The following TMTC1 variants were observed in gnomAD, a reference collection of about 807,000 sequenced individuals.
TMTC1 encodes the protein protein O-mannosyl-transferase TMTC1.
A neutral mutation model predicts 104.8 loss-of-function variants in TMTC1; 73 were observed. The ratio of observed to expected loss-of-function variants is 0.70; its 90% CI spans 0.58 to 0.85. The LOEUF is 0.85. Ranked by LOEUF, TMTC1 falls within the 40% of genes least tolerant of loss-of-function variation. The pLI, the probability that TMTC1 is intolerant of heterozygous loss-of-function variation, is 0.00. For synonymous variants in TMTC1, 434 were observed against 428.7 expected (o/e 1.01, Z -0.15); for missense variants, 1,035 against 1,096.1 (o/e 0.94, Z 0.79).
At chr12:29,764,345 G>C (rs1343718819) in intron 2 of TMTC1, among the ~76,000 whole-genome samples, 1 of 152,064 alleles carries the variant, frequency 6.6e-6, no homozygotes, top group Non-Finnish European at 1.5e-5. Flanking sequence ...TATGTATAAG[G>C]CTATTGATAT....
intron 5 of TMTC1, among the ~76,000 whole-genome samples, chr12:29,745,394 G>A (rs1039703916): frequency 5.9e-5 from 9 of 152,112 alleles, no homozygotes; most frequent in African/African-American, 1.7e-4. Context: ...AGGCCAAGGC[G>A]GGCAGATCAC....
At chr12:29,522,280 G>T (rs769173440) in intron 11 of TMTC1, among the ~76,000 whole-genome samples, 3 of 152,114 alleles carry the variant, frequency 2.0e-5, no homozygotes, top group African/African-American at 7.2e-5. Flanking sequence ...GACCCAGAAA[G>T]GGACATATAC....
chr12:29,525,966 A>G (rs941828002), intron 11 of TMTC1, among the ~76,000 whole-genome samples: 1 of 152,210 alleles, frequency 6.6e-6, no homozygotes, highest in Non-Finnish European at 1.5e-5. Flanking sequence ...AGCTACTATT[A>G]CAGCCATCAG....
chr12:29,780,277 C>G (rs1005019337), intron 1 of TMTC1, among the ~76,000 whole-genome samples: 2 of 152,190 alleles, frequency 1.3e-5, no homozygotes, highest in African/African-American at 4.8e-5. Flanking sequence ...GTTATACAAA[C>G]TGTGGTATAT....
chr12:29,652,419 C>T (rs1472457321), intron 5 of TMTC1, among the ~76,000 whole-genome samples: 1 of 152,162 alleles, frequency 6.6e-6, no homozygotes, highest in African/African-American at 2.4e-5. Flanking sequence ...GCAGAGTTAC[C>T]GCCTCTATAC....
At chr12:29,519,281 G>T (rs912754581) in intron 12 of TMTC1, 4 of 152,080 alleles carry the variant, frequency 2.6e-5, no homozygotes, top group Non-Finnish European at 4.4e-5. Context: ...CTGTTTAGCT[G>T]TTTATCAGGA....
chr12:29,620,237 G>A (rs1947095572), intron 6 of TMTC1, among the ~76,000 whole-genome samples: 1 of 152,118 alleles, frequency 6.6e-6, no homozygotes, highest in South Asian at 2.1e-4. Context: ...CACAGTTGGT[G>A]CAGGGAAGAT....
chr12:29,723,122 A>G (rs1942285789), intron 5 of TMTC1, among the ~76,000 whole-genome samples: 1 of 152,062 alleles, frequency 6.6e-6, no homozygotes, highest in African/African-American at 2.4e-5. Flanking sequence ...TGAGCTTTAC[A>G]CAGAAAACTG....
intron 5 of TMTC1, among the ~76,000 whole-genome samples, chr12:29,689,759 T>C (rs1419723146): frequency 6.6e-6 from 1 of 152,218 alleles, no homozygotes; most frequent in Non-Finnish European, 1.5e-5. Context: ...GTAAATGTGC[T>C]CCCTTCTGTT....
chr12:29,735,540 T>C (rs1453070308), intron 5 of TMTC1, among the ~76,000 whole-genome samples: 1 of 152,228 alleles, frequency 6.6e-6, no homozygotes, highest in Non-Finnish European at 1.5e-5. Flanking sequence ...GAATTATTTA[T>C]TGGAATCCAG....
chr12:29,732,618 T>G (rs750202495), intron 5 of TMTC1, among the ~76,000 whole-genome samples: 8 of 152,214 alleles, frequency 5.3e-5, no homozygotes, highest in Non-Finnish European at 8.8e-5. Context: ...AGACTCTTTA[T>G]GTATTAAACT....
intron 7 of TMTC1, among the ~76,000 whole-genome samples, chr12:29,583,913 C>G (rs954591295): frequency 2.6e-5 from 4 of 152,192 alleles, no homozygotes; most frequent in African/African-American, 9.7e-5. Context: ...CTGACCCAAG[C>G]TCCCTCATGT....
chr12:29,516,147 A>G (rs1009632448), intron 15 of TMTC1, among the ~76,000 whole-genome samples: 7 of 152,172 alleles, frequency 4.6e-5, no homozygotes, highest in Non-Finnish European at 7.4e-5. Context: ...TACACCAAAG[A>G]TAAGCCAAGA....
chr12:29,541,281 C>T (rs1467376843), intron 10 of TMTC1, among the ~76,000 whole-genome samples: 5 of 152,106 alleles, frequency 3.3e-5, no homozygotes, highest in Middle Eastern at 3.2e-3. Context: ...ACTGCTAAGC[C>T]GCCTATCCAC....
Position 29,693,407 on chromosome 12 carries a change from A to C in TMTC1, c.938+58259T>G, listed in dbSNP as rs148741363. Among the ~76,000 whole-genome samples the C allele has an allele frequency of 2.9e-4, 42 of 145,700 alleles. 6 individuals are homozygous for C. The highest frequency in any genetic ancestry group is 1.8e-3 in the Admixed American group (26 of 14,208). Reference sequence around the variant, plus strand: ...CTCTCTTCTAGCTATTTGAAAATATATAATAAATTACTATTAACTATAGTC... The same window carrying C: ...CTCTCTTCTAGCTATTTGAAAATATCTAATAAATTACTATTAACTATAGTC... On this transcript the variant is annotated intron_variant, in intron 5 of 17. Transcript: ENST00000539277.
upstream of TMTC1, among the ~76,000 whole-genome samples, chr12:29,784,069 C>T (rs1200912899): frequency 6.6e-6 from 1 of 151,626 alleles, no homozygotes; most frequent in Non-Finnish European, 1.5e-5. Context: ...GCCCGGCGCC[C>T]TCTGCCCCCG....
At chr12:29,513,656 C>T (rs1165392612) in intron 16 of TMTC1, among the ~76,000 whole-genome samples, 2 of 151,970 alleles carry the variant, frequency 1.3e-5, no homozygotes, top group African/African-American at 4.8e-5. Flanking sequence ...GTGGCTTTAC[C>T]AGATATAAGG....
In TMTC1 at chr12:29,607,566, G is replaced by C. The variant is rs1266858547; in HGVS notation, c.1129-3267C>G. On this transcript the variant is annotated intron_variant, in intron 6 of 17. Coordinates refer to ENST00000539277, the MANE Select transcript of TMTC1 (RefSeq NM_001193451.2). ...ATGTACAAAGCAGGCAATAAGACTA[G>C]TCATGTCAGCAAGTGGATAATGAGC... Among the ~76,000 whole-genome samples, 3 of 152,152 alleles carry C rather than the reference G, an allele frequency of 2.0e-5. No homozygotes were observed. The East Asian group carries it at 5.8e-4, about 29-fold the overall frequency.
intron 7 of TMTC1, among the ~76,000 whole-genome samples, chr12:29,585,163 T>G (rs1946095713): frequency 6.6e-6 from 1 of 151,676 alleles, no homozygotes; most frequent in Admixed American, 6.6e-5. Flanking sequence ...CTCATTGTGG[T>G]TTTGATTTGC....
Sources: gnomAD v4.1 joint callset for allele counts (sites outside exome capture counted in the v4.1 genomes callset) on GRCh38, gnomAD v4.1.1 for gene constraint, MANE v1.5 for transcripts, NCBI Gene and HGNC (gene_info 2026-07-23, HGNC 2026-07-21) for gene names.